CDH4: variants seen among roughly 807,000 people sequenced by gnomAD.
The protein encoded by CDH4 is cadherin 4, also known as cadherin-4.
A neutral mutation model predicts 86.0 loss-of-function variants in CDH4; 33 were observed. The ratio of observed to expected loss-of-function variants is 0.38; its 90% CI spans 0.29 to 0.51. The LOEUF is 0.51. Among genes scored for constraint, CDH4 ranks in the 20% least tolerant of loss-of-function variants. CDH4 has a pLI of 0.86. For missense variants in CDH4, 1,114 were observed against 1,307.4 expected, an observed-to-expected ratio of 0.85 and a Z score of 2.28; for synonymous variants, 555 against 549.4, an observed-to-expected ratio of 1.01 and a Z score of -0.14.
At chr20:61,399,852 C>T (rs554532504) in intron 2 of CDH4, among the ~76,000 whole-genome samples, 13 of 152,292 alleles carry the variant, frequency 8.5e-5, no homozygotes, top group East Asian at 1.9e-4. Flanking sequence ...GTGCCTTCCC[C>T]GGCAGGGTCT....
chr20:61,320,770 G>T (rs1293621271), intron 2 of CDH4, among the ~76,000 whole-genome samples: 3 of 151,872 alleles, frequency 2.0e-5, no homozygotes, highest in African/African-American at 7.3e-5. Flanking sequence ...AGATGAAGAG[G>T]CAGGAAAGGG....
chr20:61,278,313 CT>C (rs1460832609), intron 2 of CDH4, among the ~76,000 whole-genome samples: 1 of 152,224 alleles, frequency 6.6e-6, no homozygotes, highest in Non-Finnish European at 1.5e-5. Context: ...AGGAATCAAA[CT>C]GCTTGGCTGA....
intron 2 of CDH4, among the ~76,000 whole-genome samples, chr20:61,455,997 GGATA>G (rs948706626): frequency 4.0e-5 from 6 of 151,844 alleles, no homozygotes; most frequent in Admixed American, 1.3e-4. Flanking sequence ...ATGGATGGAT[GGATA>G]GATATATGGA....
chr20:61,298,924 G>A (rs2123200113), intron 2 of CDH4, among the ~76,000 whole-genome samples: 1 of 152,118 alleles, frequency 6.6e-6, no homozygotes, highest in East Asian at 1.9e-4. Context: ...AAAGAACAGA[G>A]TTCATTTCTG....
chr20:61,521,849 G>T (rs544173048), intron 2 of CDH4, among the ~76,000 whole-genome samples: 2 of 152,158 alleles, frequency 1.3e-5, no homozygotes, highest in African/African-American at 4.8e-5. Flanking sequence ...GCAGTGCAAC[G>T]GCCGGCCTGT....
chr20:61,848,515 T>TTATTGTATTG (rs139603252), intron 5 of CDH4, among the ~76,000 whole-genome samples: 87 of 150,784 alleles, frequency 5.8e-4, no homozygotes, highest in South Asian at 1.1e-3. Flanking sequence ...AGGACTTTTT[T>TTATTGTATTG]TATTGTATTG....
intron 5 of CDH4, among the ~76,000 whole-genome samples, chr20:61,845,676 A>G (rs1982420370): frequency 6.6e-6 from 1 of 151,830 alleles, no homozygotes; most frequent in African/African-American, 2.4e-5. Context: ...GCTCCTCCTC[A>G]TGGGGTTGTT....
chr20:61,562,604 C>T (rs544168101), intron 2 of CDH4, among the ~76,000 whole-genome samples: 3 of 152,314 alleles, frequency 2.0e-5, no homozygotes, highest in South Asian at 2.1e-4. Context: ...TGCTTCAGCC[C>T]GGCTGCCAGG....
intron 3 of CDH4, among the ~76,000 whole-genome samples, chr20:61,765,933 C>T (rs975570240): frequency 3.3e-5 from 5 of 152,036 alleles, no homozygotes; most frequent in Non-Finnish European, 7.4e-5. Flanking sequence ...GGTGGAATGC[C>T]GGACTCTGAT....
At chr20:61,573,989 T>G (rs1378118876) in intron 2 of CDH4, among the ~76,000 whole-genome samples, 6 of 152,116 alleles carry the variant, frequency 3.9e-5, no homozygotes, top group Non-Finnish European at 7.4e-5. Flanking sequence ...ATCCAGCTGA[T>G]GATCTGAGTG....
chr20:61,919,890 G>GTGTGGAAGCATGGTATCGTGATTA (rs1555858951), intron 9 of CDH4, among the ~76,000 whole-genome samples: 6,833 of 143,208 alleles, frequency 0.048, 584 homozygotes, highest in East Asian at 0.4. Flanking sequence ...GCTTGTGATT[G>GTGTGGAAGCATGGTATCGTGATTA]TGTGGAAGCA....
chr20:61,728,986 T>TCA (rs2088146121), intron 2 of CDH4, among the ~76,000 whole-genome samples: 1 of 152,102 alleles, frequency 6.6e-6, no homozygotes, highest in Non-Finnish European at 1.5e-5. Flanking sequence ...CTGCAGTGAC[T>TCA]CAGGGCAGCA....
chr20:61,790,087 A>G (rs966417619), intron 4 of CDH4, among the ~76,000 whole-genome samples: 1 of 151,970 alleles, frequency 6.6e-6, no homozygotes, highest in Non-Finnish European at 1.5e-5. Flanking sequence ...CTGTTCATCC[A>G]TGTATCCACA....
intron 2 of CDH4, among the ~76,000 whole-genome samples, chr20:61,713,155 TAAGTA>T (rs2087911279): frequency 6.7e-6 from 1 of 149,974 alleles, no homozygotes; most frequent in Non-Finnish European, 1.5e-5. Flanking sequence ...TATGCAAAAA[TAAGTA>T]AAGATGCTTT....
At chr20:61,936,149 A>C (rs2123021632) in intron 15 of CDH4, among the ~76,000 whole-genome samples, 1 of 151,944 alleles carries the variant, frequency 6.6e-6, no homozygotes, top group Admixed American at 6.5e-5. Flanking sequence ...TGTCCACCCT[A>C]GGTCCACTTT....
chr20:61,593,003 G>T (rs547148320), intron 2 of CDH4, among the ~76,000 whole-genome samples: 1 of 152,116 alleles, frequency 6.6e-6, no homozygotes, highest in Non-Finnish European at 1.5e-5. Flanking sequence ...CCTTATAGGA[G>T]GGGGGCAGGA....
intron 7 of CDH4, among the ~76,000 whole-genome samples, chr20:61,890,526 G>A (rs1363686693): frequency 3.3e-5 from 5 of 151,746 alleles, no homozygotes; most frequent in African/African-American, 7.3e-5. Flanking sequence ...CTGGACAGGT[G>A]GATGGATGGA....
At chr20:61,305,819 T>C (rs973599132) in intron 2 of CDH4, among the ~76,000 whole-genome samples, 3 of 152,190 alleles carry the variant, frequency 2.0e-5, no homozygotes, top group African/African-American at 7.2e-5. Context: ...CGCCAGGAGA[T>C]CCGTGGGAGT....
rs557976647 is a variant in CDH4 at position 61,652,261 on chromosome 20, A to G, written c.170-91302A>G. 2.0e-5 allele frequency among the ~76,000 whole-genome samples: 3 copies of G among 152,316 alleles called. No individual in the cohort carries two copies. The South Asian group carries it at 6.2e-4, about 32-fold the overall frequency. On this transcript the variant is annotated intron_variant, in intron 2 of 15. Coordinates refer to ENST00000614565, the MANE Select transcript of CDH4 (RefSeq NM_001794.5). ...CGTGAAACTATGGTGACACCTTCGA[A>G]CAGTTCCTTCCACCCTCTTACTCCT...
Sources: gnomAD v4.1 joint callset for allele counts (sites outside exome capture counted in the v4.1 genomes callset) on GRCh38, gnomAD v4.1.1 for gene constraint, MANE v1.5 for transcripts, NCBI Gene and HGNC (gene_info 2026-07-23, HGNC 2026-07-21) for gene names.